The following GLDC variants were observed in gnomAD, a reference collection of about 807,000 sequenced individuals.
GLDC encodes the protein glycine dehydrogenase (decarboxylating), mitochondrial.
GLDC carries 104 observed loss-of-function variants against 121.3 expected under a neutral mutation model. That is an observed-to-expected ratio of 0.86 (90% confidence interval 0.73 to 1.01). The LOEUF is 1.01. Among genes scored for constraint, GLDC ranks in the 50% least tolerant of loss-of-function variants. The pLI is 0.00. For missense variants in GLDC, 1,429 were observed against 1,306.6 expected (o/e 1.09, Z -1.44); for synonymous variants, 546 against 480.6 (o/e 1.14, Z -1.78).
chr9:6,581,713 A>G (rs1818173438), intron 15 of GLDC, among the ~76,000 whole-genome samples: 1 of 152,204 alleles, frequency 6.6e-6, no homozygotes, highest in African/African-American at 2.4e-5. Flanking sequence ...AAAATGGACT[A>G]AGAGTGGATA....
Position 6,558,663 on chromosome 9 carries a change from C to T in GLDC, c.1948G>A (p.Ala650Thr). The change falls in exon 17 of 25, where the codon GCA (alanine) becomes ACA (threonine). Residue 650 changes from alanine to threonine, a missense_variant. Coordinates refer to ENST00000321612, the MANE Select transcript of GLDC (RefSeq NM_000170.3). The part of the protein sequence containing the change: ...HRTVCLIPKS[A>T]HGTNPASAHM... ...GCACTTGCTGGGTTGGTCCCATGTG[C>T]TGATTTCGGAATGAGGCAAACCTAC... The T allele has an allele frequency of 1.9e-6, 3 of 1,614,126 alleles. No homozygotes were observed. Among genetic ancestry groups the T allele is most frequent in the Non-Finnish European group, 2.5e-6 (3 of 1,180,016 alleles).
At chr9:6,639,280 C>A in intron 2 of GLDC, 1 of 907,598 alleles carries the variant, frequency 1.1e-6, no homozygotes, top group Admixed American at 1.7e-5. Flanking sequence ...ACCCACCTTC[C>A]GGCGGTCCAA....
chr9:6,583,547 G>A lies in GLDC; in HGVS notation c.1850+3594C>T, dbSNP rs139880637. 1.1e-4 allele frequency among the ~76,000 whole-genome samples: 16 copies of A among 152,178 alleles called. No individual in the cohort carries two copies. The East Asian group carries it at 2.9e-3, about 28-fold the overall frequency. ...TAAAAATCGCCAGGCATAGTGATGC[G>A]TGCCAGTAGTCCCAGCTAAGCGGGA... On this transcript the variant is annotated intron_variant, in intron 15 of 24. Coordinates refer to ENST00000321612, the MANE Select transcript of GLDC (RefSeq NM_000170.3).
chr9:6,609,967 A>C (rs924768738), intron 4 of GLDC, among the ~76,000 whole-genome samples: 3 of 152,072 alleles, frequency 2.0e-5, no homozygotes, highest in Non-Finnish European at 4.4e-5. Flanking sequence ...CTCCCGTCTG[A>C]TCTTCCCCAA....
intron 24 of GLDC, among the ~76,000 whole-genome samples, chr9:6,534,431 G>T (rs1232587442): frequency 1.3e-5 from 2 of 150,520 alleles, no homozygotes; most frequent in African/African-American, 5.0e-5. Context: ...CCATCTCCCT[G>T]TCCCACAGTG....
intron 18 of GLDC, among the ~76,000 whole-genome samples, 161 bp downstream of exon 18, chr9:6,555,992 A>G (rs1316991279): frequency 6.6e-6 from 1 of 152,208 alleles, no homozygotes; most frequent in East Asian, 1.9e-4. Flanking sequence ...TGCCAGGATA[A>G]GTGGCTTTCC....
In GLDC at chr9:6,629,955, A is replaced by ATTTT. The variant is rs1367658538; in HGVS notation, c.335-9637_335-9636insAAAA. ...TATATATATATATATGTATATATAT[A>ATTTT]TATTTTTTTTTTTTAAGAGAGACAA... On this transcript the variant is annotated intron_variant, in intron 2 of 24. Coordinates refer to ENST00000321612, the MANE Select transcript of GLDC (RefSeq NM_000170.3). Among the ~76,000 whole-genome samples, 232 of 84,396 alleles carry ATTTT rather than the reference A, an allele frequency of 2.7e-3. 7 individuals carry two copies. Among genetic ancestry groups the ATTTT allele is most frequent in the South Asian group, 4.4e-3 (11 of 2,510 alleles). 55.4% of individuals were successfully genotyped at this position (84,396 alleles called of 152,430 possible).
intron 15 of GLDC, chr9:6,565,855 T>G (rs968430209): frequency 2.9e-6 from 1 of 339,226 alleles, no homozygotes; most frequent in African/African-American, 2.1e-5. Context: ...ACCACTTTCA[T>G]GCTGAACTAT....
intron 5 of GLDC, among the ~76,000 whole-genome samples, chr9:6,605,715 C>A (rs112011707): frequency 2.0e-5 from 3 of 152,184 alleles, no homozygotes; most frequent in East Asian, 3.9e-4. Flanking sequence ...AGAAACCCCC[C>A]CTCTGAAGGG....
At chr9:6,554,233 C>G (rs1319172347) in intron 19 of GLDC, among the ~76,000 whole-genome samples, 1 of 152,076 alleles carries the variant, frequency 6.6e-6, no homozygotes, top group African/African-American at 2.4e-5. Context: ...TTCTTCCTTA[C>G]TTATGTGTTA....
chr9:6,603,678 C>T (rs1265147101), intron 7 of GLDC, among the ~76,000 whole-genome samples: 1 of 151,768 alleles, frequency 6.6e-6, no homozygotes, highest in Non-Finnish European at 1.5e-5. Context: ...TCTAAATTTC[C>T]CCAGTAATAA....
At chr9:6,644,260 G>A (rs937188959) in intron 2 of GLDC, among the ~76,000 whole-genome samples, 2 of 151,730 alleles carry the variant, frequency 1.3e-5, no homozygotes, top group African/African-American at 4.8e-5. Context: ...GAGTCTATCC[G>A]GGTCTGCGCA....
At chr9:6,609,984 C>G (rs1382619092) in intron 4 of GLDC, among the ~76,000 whole-genome samples, 1 of 152,192 alleles carries the variant, frequency 6.6e-6, no homozygotes, top group Non-Finnish European at 1.5e-5. Context: ...CCAACCCCAA[C>G]CAAAATCCGG....
chr9:6,603,565 A>T (rs1456322848), intron 7 of GLDC, among the ~76,000 whole-genome samples: 2 of 151,824 alleles, frequency 1.3e-5, no homozygotes, highest in African/African-American at 4.8e-5. Flanking sequence ...ATAAAATTTT[A>T]AAAAAACACA....
chr9:6,629,834 T>C (rs1324211910), intron 2 of GLDC, among the ~76,000 whole-genome samples: 1 of 150,234 alleles, frequency 6.7e-6, no homozygotes, highest in Admixed American at 6.7e-5. Context: ...TATATGTGCA[T>C]CTGTTTATAT....
At chr9:6,588,750 T>C in intron 12 of GLDC, 48 bp from the exon 13 acceptor site, 2 of 993,398 alleles carry the variant, frequency 2.0e-6, no homozygotes, top group Non-Finnish European at 3.3e-6. Flanking sequence ...TAGATATGAG[T>C]CCATGCACAT....
intron 24 of GLDC, among the ~76,000 whole-genome samples, chr9:6,533,632 G>C (rs1352343754): frequency 1.3e-5 from 2 of 152,060 alleles, no homozygotes; most frequent in African/African-American, 4.8e-5. Context: ...GCCAAGGCAG[G>C]CAGATCAGCT....
Position 6,645,510 on chromosome 9 carries a change from A to C in GLDC, c.-11T>G. On this transcript the variant is annotated 5_prime_UTR_variant, in exon 1 of 25. Coordinates refer to ENST00000321612, the MANE Select transcript of GLDC (RefSeq NM_000170.3). ...GGCACAGGACTGCATGGCCGCGGCC[A>C]CCGTCCCCTGCCCCGGCCCGCAAGG... 7.6e-7 allele frequency: 1 copy of C among 1,316,750 alleles called. No homozygotes were observed. Among genetic ancestry groups the C allele is most frequent in the Non-Finnish European group, 9.7e-7 (1 of 1,026,646 alleles). 81.6% of individuals were successfully genotyped at this position (1,316,750 alleles called of 1,614,324 possible). A position where few individuals can be genotyped will look rare whatever the true frequency, so the allele number is the denominator to read the frequency against.
At chr9:6,553,872 C>A (rs1587922620) in intron 19 of GLDC, among the ~76,000 whole-genome samples, 1 of 152,094 alleles carries the variant, frequency 6.6e-6, no homozygotes, top group African/African-American at 2.4e-5. Flanking sequence ...GAGAAGATGC[C>A]CCATGGGCTG....
Sources: gnomAD v4.1 joint callset for allele counts (sites outside exome capture counted in the v4.1 genomes callset) on GRCh38, gnomAD v4.1.1 for gene constraint, MANE v1.5 for transcripts, NCBI Gene and HGNC (gene_info 2026-07-23, HGNC 2026-07-21) for gene names.